The following ZBTB20 variants were observed in gnomAD, a reference collection of about 807,000 sequenced individuals.
The protein encoded by ZBTB20 is zinc finger and BTB domain containing 20, also known as zinc finger and BTB domain-containing protein 20.
ZBTB20 carries 9 observed loss-of-function variants against 56.9 expected under a neutral mutation model. The ratio of observed to expected loss-of-function variants is 0.16; its 90% confidence interval spans 0.10 to 0.28. The LOEUF is 0.28. ZBTB20 is among the 10% of genes least tolerant of loss of function. The pLI is 1.00. For synonymous variants in ZBTB20, 417 were observed against 420.7 expected, an observed-to-expected ratio of 0.99 and a Z score of 0.11; for missense variants, 655 against 1,003.0, an observed-to-expected ratio of 0.65 and a Z score of 4.69.
At chr3:114,393,340 T>C (rs1012716706) in intron 7 of ZBTB20, among the ~76,000 whole-genome samples, 1 of 152,254 alleles carries the variant, frequency 6.6e-6, no homozygotes, top group African/African-American at 2.4e-5. Context: ...TACAAATCCT[T>C]TGTGTAATTA....
intron 5 of ZBTB20, among the ~76,000 whole-genome samples, chr3:114,786,533 G>A (rs1018011821): frequency 1.3e-5 from 2 of 151,724 alleles, no homozygotes; most frequent in Non-Finnish European, 2.9e-5. Context: ...ACTGTCATAG[G>A]AAAAAACAGA....
chr3:115,145,906 C>G (rs1183665940), intron 1 of ZBTB20, among the ~76,000 whole-genome samples: 6 of 152,180 alleles, frequency 3.9e-5, no homozygotes, highest in Non-Finnish European at 8.8e-5. Context: ...ATAGCGTTCA[C>G]TTGAAAACAT....
intron 1 of ZBTB20, among the ~76,000 whole-genome samples, chr3:115,094,593 A>G (rs1310333763): frequency 6.6e-6 from 1 of 151,736 alleles, no homozygotes; most frequent in East Asian, 1.9e-4. Context: ...CAAACTGACA[A>G]CATTAATTTT....
intron 7 of ZBTB20, among the ~76,000 whole-genome samples, chr3:114,482,249 A>G (rs915007187): frequency 6.6e-6 from 1 of 152,168 alleles, no homozygotes; most frequent in African/African-American, 2.4e-5. Context: ...ATGGACAGGA[A>G]ACTAAAGATG....
intron 6 of ZBTB20, among the ~76,000 whole-genome samples, chr3:114,556,266 T>C (rs1448769844): frequency 6.6e-6 from 1 of 152,056 alleles, no homozygotes; most frequent in African/African-American, 2.4e-5. Flanking sequence ...ATTTCCTCAT[T>C]GACGATTTCC....
intron 3 of ZBTB20, among the ~76,000 whole-genome samples, chr3:114,960,747 A>C (rs1340240527): frequency 6.6e-6 from 1 of 152,188 alleles, no homozygotes; most frequent in East Asian, 1.9e-4. Context: ...CATCATCAGA[A>C]GTGCTTTGGA....
intron 7 of ZBTB20, among the ~76,000 whole-genome samples, chr3:114,411,826 T>C (rs1293096528): frequency 6.6e-5 from 10 of 152,246 alleles, no homozygotes; most frequent in Admixed American, 5.2e-4. Flanking sequence ...ACGATTTTAA[T>C]ATGGAAAGTT....
At chr3:115,010,476 A>G (rs1463915120) in intron 2 of ZBTB20, among the ~76,000 whole-genome samples, 2 of 151,944 alleles carry the variant, frequency 1.3e-5, no homozygotes, top group East Asian at 3.9e-4. Context: ...CTTGGGAGAA[A>G]ACAAGGAAAG....
chr3:114,763,143 C>G (rs969131719), intron 5 of ZBTB20, among the ~76,000 whole-genome samples: 8 of 152,072 alleles, frequency 5.3e-5, no homozygotes, highest in African/African-American at 1.9e-4. Context: ...GTTTAGAACT[C>G]ACGTATTTTA....
intron 3 of ZBTB20, among the ~76,000 whole-genome samples, chr3:114,945,367 G>A (rs938532725): frequency 2.1e-5 from 3 of 144,980 alleles, no homozygotes; most frequent in Admixed American, 6.6e-5. Flanking sequence ...ATTAGTATGC[G>A]TATAAGTATA....
chr3:115,014,036 G>T (rs184912865), intron 2 of ZBTB20, among the ~76,000 whole-genome samples: 32 of 151,624 alleles, frequency 2.1e-4, no homozygotes, highest in Non-Finnish European at 4.3e-4. Context: ...TCAACAGATG[G>T]ATAAAGAAAA....
chr3:115,143,312 C>T (rs2084870870), intron 1 of ZBTB20, among the ~76,000 whole-genome samples: 2 of 152,134 alleles, frequency 1.3e-5, no homozygotes, highest in Non-Finnish European at 2.9e-5. Flanking sequence ...TTTTGCAGGT[C>T]TCTCCTCTTT....
At chr3:114,644,245 T>C (rs988077137) in intron 6 of ZBTB20, among the ~76,000 whole-genome samples, 4 of 152,066 alleles carry the variant, frequency 2.6e-5, no homozygotes, top group African/African-American at 9.6e-5. Flanking sequence ...AAGAAGCTAA[T>C]ATATTATTGT....
intron 5 of ZBTB20, among the ~76,000 whole-genome samples, chr3:114,780,580 C>G (rs902213406): frequency 6.6e-6 from 1 of 152,106 alleles, no homozygotes; most frequent in African/African-American, 2.4e-5. Flanking sequence ...CTCCACCTCC[C>G]GGGTTCAAGC....
intron 5 of ZBTB20, among the ~76,000 whole-genome samples, chr3:114,798,363 C>CA (rs1229733919): frequency 5.0e-5 from 5 of 99,968 alleles, no homozygotes; most frequent in Admixed American, 3.1e-4. Context: ...AAAAAACACA[C>CA]AAAAAAACCT....
At chr3:115,083,451 A>G (rs755269471) in intron 1 of ZBTB20, among the ~76,000 whole-genome samples, 10 of 152,004 alleles carry the variant, frequency 6.6e-5, no homozygotes, top group Non-Finnish European at 1.2e-4. Flanking sequence ...CCATAATGAA[A>G]TTTTCAGTGA....
chr3:114,770,623 G>A (rs573856870), intron 5 of ZBTB20, among the ~76,000 whole-genome samples: 3 of 152,196 alleles, frequency 2.0e-5, no homozygotes, highest in East Asian at 1.9e-4. Flanking sequence ...AGAAAAAAGC[G>A]CCATCTTTTA....
chr3:114,724,124 C>T (rs1257298992), intron 5 of ZBTB20, among the ~76,000 whole-genome samples: 2 of 151,952 alleles, frequency 1.3e-5, no homozygotes, highest in South Asian at 2.1e-4. Flanking sequence ...CCGCCCACCT[C>T]GGCCTCCCAA....
intron 5 of ZBTB20, among the ~76,000 whole-genome samples, chr3:114,721,937 A>G (rs183886089): frequency 6.6e-6 from 1 of 152,314 alleles, no homozygotes. Context: ...TTAAAGTATC[A>G]ATTTACAATA....
Sources: gnomAD v4.1 joint callset for allele counts (sites outside exome capture counted in the v4.1 genomes callset) on GRCh38, gnomAD v4.1.1 for gene constraint, MANE v1.5 for transcripts, NCBI Gene and HGNC (gene_info 2026-07-23, HGNC 2026-07-21) for gene names.